Variants in CA10 observed in about 807,000 individuals in gnomAD.
CA10 encodes carbonic anhydrase 10 (inactive).
A neutral mutation model predicts 44.2 loss-of-function variants in CA10; 14 were observed. The observed-to-expected ratio is 0.32, with a 90% CI of 0.21 to 0.50. The LOEUF (loss-of-function observed/expected upper bound fraction) is 0.50. Ranked by LOEUF, CA10 falls within the 20% of genes least tolerant of loss-of-function variation. The pLI, the probability that CA10 is intolerant of heterozygous loss-of-function variation, is 0.99. For missense variants in CA10, 350 were observed against 409.7 expected (o/e 0.85, Z 1.26); for synonymous variants, 159 against 141.6 (o/e 1.12, Z -0.87).
At chr17:51,866,132 C>T (rs879499852) in intron 3 of CA10, among the ~76,000 whole-genome samples, 8 of 152,182 alleles carry the variant, frequency 5.3e-5, no homozygotes, top group East Asian at 1.9e-4. Context: ...TAGTTCCTGA[C>T]GATGCCACTA....
At chr17:52,092,755 T>C (rs1056090260) in intron 1 of CA10, among the ~76,000 whole-genome samples, 6 of 152,196 alleles carry the variant, frequency 3.9e-5, no homozygotes, top group African/African-American at 1.4e-4. Flanking sequence ...GAGGACCCAA[T>C]GTCCTTCACT....
chr17:52,026,177 G>T (rs1000953605), intron 2 of CA10, among the ~76,000 whole-genome samples: 1 of 152,034 alleles, frequency 6.6e-6, no homozygotes, highest in Non-Finnish European at 1.5e-5. Context: ...AAAGCCAAAG[G>T]GTCTTCCACT....
At chr17:51,736,787 C>T (rs1409006870) in intron 4 of CA10, among the ~76,000 whole-genome samples, 1 of 152,150 alleles carries the variant, frequency 6.6e-6, no homozygotes, top group Admixed American at 6.6e-5. Context: ...AACTGTACAT[C>T]TGCATGTACA....
chr17:51,816,332 G>A lies in CA10; in HGVS notation c.280-68514C>T, dbSNP rs575141968. Among the ~76,000 whole-genome samples the A allele has an allele frequency of 9.9e-5, 15 of 152,242 alleles. No individual in the cohort carries two copies. The East Asian group carries it at 1.9e-3, about 20-fold the overall frequency. ...CAGTCATCTGCTGATGGACACTTAG[G>A]TTGCTCCAAATCTTAGCTATTGTGA... On this transcript the variant is annotated intron_variant, in intron 3 of 8. Coordinates refer to ENST00000451037, the MANE Select transcript of CA10 (RefSeq NM_020178.5).
chr17:51,818,235 C>A (rs1177471257), intron 3 of CA10, among the ~76,000 whole-genome samples: 1 of 152,166 alleles, frequency 6.6e-6, no homozygotes, highest in African/African-American at 2.4e-5. Context: ...ATTGGGAACT[C>A]ATTTAAATAA....
At chr17:51,989,082 C>T (rs979175513) in intron 2 of CA10, among the ~76,000 whole-genome samples, 7 of 151,396 alleles carry the variant, frequency 4.6e-5, no homozygotes, top group Non-Finnish European at 5.9e-5. Flanking sequence ...GCTGCATTGG[C>T]TTCACCCAGA....
chr17:51,915,224 A>T lies in CA10; in HGVS notation c.279+15766T>A, dbSNP rs370582860. 2.0e-5 allele frequency among the ~76,000 whole-genome samples: 3 copies of T among 152,276 alleles called. No individual in the cohort carries two copies. The South Asian group carries it at 6.2e-4, about 32-fold the overall frequency. Reference sequence around the variant, plus strand: ...TTGATGTCTCAAGCATCCTACAGGGATGTTACACCATCCACGTAGGAAATA... The same window carrying T: ...TTGATGTCTCAAGCATCCTACAGGGTTGTTACACCATCCACGTAGGAAATA... On this transcript the variant is annotated intron_variant, in intron 3 of 8. Coordinates refer to ENST00000451037, the MANE Select transcript of CA10 (RefSeq NM_020178.5).
chr17:51,955,955 T>G (rs1327939308), intron 2 of CA10, among the ~76,000 whole-genome samples: 3 of 152,148 alleles, frequency 2.0e-5, no homozygotes, highest in Admixed American at 1.3e-4. Context: ...GTAACAAACC[T>G]GCACATTCTG....
intron 3 of CA10, among the ~76,000 whole-genome samples, chr17:51,835,830 T>C (rs770244001): frequency 1.3e-5 from 2 of 152,132 alleles, no homozygotes; most frequent in Non-Finnish European, 2.9e-5. Context: ...CTCAGTGCCA[T>C]AAGAGTGTAA....
At chr17:52,033,309 C>T (rs1266416122) in intron 2 of CA10, among the ~76,000 whole-genome samples, 1 of 152,102 alleles carries the variant, frequency 6.6e-6, no homozygotes, top group East Asian at 1.9e-4. Context: ...ATGCCAAGTA[C>T]TCATAAAGGC....
At chr17:51,891,292 A>G (rs1489593486) in intron 3 of CA10, among the ~76,000 whole-genome samples, 1 of 152,168 alleles carries the variant, frequency 6.6e-6, no homozygotes, top group African/African-American at 2.4e-5. Context: ...TGAGACAGAT[A>G]CCCAAATAAC....
At chr17:52,108,202 A>ATATATATTT (rs1988707198) in intron 1 of CA10, among the ~76,000 whole-genome samples, 1 of 20,746 alleles carries the variant, frequency 4.8e-5, no homozygotes, top group African/African-American at 1.7e-3. Context: ...TTTTATATAT[A>ATATATATTT]TATATATATA....
chr17:51,732,669 G>T (rs1295991986), intron 4 of CA10, among the ~76,000 whole-genome samples: 1 of 152,148 alleles, frequency 6.6e-6, no homozygotes. Flanking sequence ...CACATGGATA[G>T]CTGATTGGGT....
chr17:51,925,186 T>C (rs1488569140), intron 3 of CA10, among the ~76,000 whole-genome samples: 1 of 152,150 alleles, frequency 6.6e-6, no homozygotes, highest in Non-Finnish European at 1.5e-5. Context: ...CACTGCACCC[T>C]GCTTCTTTTT....
chr17:51,684,300 C>G (rs1190706517), intron 4 of CA10, among the ~76,000 whole-genome samples: 2 of 152,134 alleles, frequency 1.3e-5, no homozygotes, highest in African/African-American at 4.8e-5. Context: ...TCAGTGAAAC[C>G]CACTTTGGGC....
intron 3 of CA10, among the ~76,000 whole-genome samples, chr17:51,794,748 G>A (rs978280646): frequency 6.6e-6 from 1 of 152,166 alleles, no homozygotes; most frequent in Non-Finnish European, 1.5e-5. Flanking sequence ...CTACAGTGGG[G>A]TGAAAAAGTT....
At chr17:52,157,532 C>T (rs931529087) in intron 1 of CA10, among the ~76,000 whole-genome samples, 194 bp downstream of exon 1, 4 of 144,848 alleles carry the variant, frequency 2.8e-5, no homozygotes, top group East Asian at 2.1e-4. Context: ...CCTAACCACC[C>T]CCCCCCGCAA....
chr17:51,734,180 G>GT (rs1437239800), intron 4 of CA10, among the ~76,000 whole-genome samples: 1 of 41,102 alleles, frequency 2.4e-5, no homozygotes, highest in Non-Finnish European at 3.9e-5. Flanking sequence ...TCTTTGGTTG[G>GT]GGGGGGGGGG....
At chr17:51,874,390 A>G (rs1979955820) in intron 3 of CA10, among the ~76,000 whole-genome samples, 1 of 111,026 alleles carries the variant, frequency 9.0e-6, no homozygotes, top group Non-Finnish European at 2.0e-5. Context: ...GTAATTATTA[A>G]AAAAAAAAAA....
Sources: gnomAD v4.1 joint callset for allele counts (sites outside exome capture counted in the v4.1 genomes callset) on GRCh38, gnomAD v4.1.1 for gene constraint, MANE v1.5 for transcripts, NCBI Gene and HGNC (gene_info 2026-07-23, HGNC 2026-07-21) for gene names.